PCDHA2: variants seen among roughly 807,000 people sequenced by gnomAD.
The protein encoded by PCDHA2 is protocadherin alpha 2.
PCDHA2 carries 58 observed loss-of-function variants against 66.0 expected under a neutral mutation model. The observed-to-expected ratio is 0.88, with a 90% CI of 0.71 to 1.09. The LOEUF (loss-of-function observed/expected upper bound fraction) is 1.09, where lower values mean the gene tolerates loss of function less well. PCDHA2 is among the 50% of genes least tolerant of loss of function. The pLI is 0.00. For synonymous variants in PCDHA2, 634 were observed against 554.0 expected, an observed-to-expected ratio of 1.14 and a Z score of -2.03; for missense variants, 1,267 against 1,242.3, an observed-to-expected ratio of 1.02 and a Z score of -0.30.
chr5:140,877,135 G>C, intron 1 of PCDHA2: 1 of 1,613,790 alleles, frequency 6.2e-7, no homozygotes, highest in Non-Finnish European at 8.5e-7. Flanking sequence ...GCAGGTGTTC[G>C]TGCTGGACGA....
chr5:140,961,278 C>T (rs1205288915), intron 1 of PCDHA2, among the ~76,000 whole-genome samples: 1 of 152,192 alleles, frequency 6.6e-6, no homozygotes, highest in Non-Finnish European at 1.5e-5. Context: ...TTTACCATGG[C>T]TCTGTTTCTT....
rs1486042569 is a variant in PCDHA2 at position 140,880,105 on chromosome 5, A to G, written c.2388+82753A>G. On this transcript the variant is annotated intron_variant, in intron 1 of 3. Coordinates refer to ENST00000526136, the MANE Select transcript of PCDHA2 (RefSeq NM_018905.3). ...ATTATAGTAGGCTTAAAATCATAGAAGGATAGACAACAGGAAGCTGAAATA... is the reference window on the plus strand; with the variant it reads ...ATTATAGTAGGCTTAAAATCATAGAGGGATAGACAACAGGAAGCTGAAATA... 1.8e-4 allele frequency among the ~76,000 whole-genome samples: 28 copies of G among 152,256 alleles called. 1 individual carries two copies. Among genetic ancestry groups the G allele is most frequent in the Admixed American group, 1.8e-3 (28 of 15,292 alleles).
chr5:140,854,990 G>A (rs2043295354), intron 1 of PCDHA2, among the ~76,000 whole-genome samples: 1 of 149,498 alleles, frequency 6.7e-6, no homozygotes, highest in African/African-American at 2.5e-5. Context: ...GATTCTTTTT[G>A]CCCGTGTAAG....
chr5:140,863,737 A>G (rs758176321), intron 1 of PCDHA2: 1 of 251,160 alleles, frequency 4.0e-6, no homozygotes, highest in East Asian at 1.0e-4. Flanking sequence ...GCTCATGCCT[A>G]TTTGTAATCC....
chr5:140,937,106 C>T (rs2091337574), intron 1 of PCDHA2, among the ~76,000 whole-genome samples: 1 of 149,206 alleles, frequency 6.7e-6, no homozygotes, highest in Admixed American at 6.7e-5. Context: ...GGCGCAGTCT[C>T]GGCTCACTGC....
intron 1 of PCDHA2, among the ~76,000 whole-genome samples, chr5:140,959,927 C>A (rs1554224406): frequency 6.6e-6 from 1 of 152,038 alleles, no homozygotes; most frequent in African/African-American, 2.4e-5. Flanking sequence ...TTGTAAAGCC[C>A]CATTACTTAG....
intron 1 of PCDHA2, among the ~76,000 whole-genome samples, chr5:140,913,413 G>A (rs976186231): frequency 3.3e-5 from 5 of 152,050 alleles, no homozygotes; most frequent in Non-Finnish European, 5.9e-5. Flanking sequence ...TTGAATTCCT[G>A]CAGTATCAGT....
chr5:140,814,543 A>G (rs1410934884), intron 1 of PCDHA2: 1 of 152,098 alleles, frequency 6.6e-6, no homozygotes, highest in Non-Finnish European at 1.5e-5. Flanking sequence ...AAGCAGTAAC[A>G]TTTACTATCT....
chr5:140,849,573 A>T, intron 1 of PCDHA2: 1 of 1,598,648 alleles, frequency 6.3e-7, no homozygotes. Flanking sequence ...GGTTCCTGTA[A>T]AAGAGGACGC....
Position 140,801,632 on chromosome 5 carries a change from C to T in PCDHA2, c.2388+4280C>T, listed in dbSNP as rs1554121599. 2.5e-6 allele frequency: 4 copies of T among 1,614,034 alleles called. No homozygotes were observed. The South Asian group carries it at 4.4e-5, about 18-fold the overall frequency. ...TAAAGAATCTGTTTATTTCCGAATC[C>T]CGACAGCCTGGCTCTCGGTTTTCGC... On this transcript the variant is annotated intron_variant, in intron 1 of 3. Coordinates refer to ENST00000526136, the MANE Select transcript of PCDHA2 (RefSeq NM_018905.3).
Position 140,929,287 on chromosome 5 carries a change from C to T in PCDHA2, c.2389-49662C>T, listed in dbSNP as rs782325052. On this transcript the variant is annotated intron_variant, in intron 1 of 3. Transcript: ENST00000526136. The stretch of plus-strand genomic sequence containing the variant: ...TTTGCCAATATCCTGTATTCAGATT[C>T]GGAATAGGAAAGGGGATCACGCTAA... 13 of 1,598,668 alleles carry T rather than the reference C, an allele frequency of 8.1e-6. No homozygotes were observed. In the East Asian group the frequency reaches 2.5e-4, roughly 30 times the overall value.
chr5:140,883,222 A>T lies in PCDHA2; in HGVS notation c.2388+85870A>T, dbSNP rs1164969110. ...TCGAAGAAAAGAAATTATATGAAATATCCGTGGAGGCAGTTGACAAAGGAA... is the reference window on the plus strand; with the variant it reads ...TCGAAGAAAAGAAATTATATGAAATTTCCGTGGAGGCAGTTGACAAAGGAA... On this transcript the variant is annotated intron_variant, in intron 1 of 3. Transcript: ENST00000526136. 8.7e-6 allele frequency: 14 copies of T among 1,613,970 alleles called. No homozygotes were observed. The African/African-American group carries it at 1.7e-4, about 20-fold the overall frequency.
intron 1 of PCDHA2, among the ~76,000 whole-genome samples, chr5:140,821,310 C>A (rs1240632273): frequency 6.6e-6 from 1 of 151,998 alleles, no homozygotes; most frequent in African/African-American, 2.4e-5. Flanking sequence ...TAAAATACAC[C>A]AGCACAAATT....
At chr5:140,823,690 A>G in intron 1 of PCDHA2, 2 of 1,613,904 alleles carry the variant, frequency 1.2e-6, no homozygotes, top group South Asian at 2.2e-5. Context: ...TCTGGATGAG[A>G]CCGAAGCACC....
rs539262034 is a variant in PCDHA2, at chr5:140,801,500, G to A, written c.2388+4148G>A. ...AGGAACTGTGCGGGCGGAGCGCGGA[G>A]TGCAGCATCCACCTGGAGGTGATCG... is the stretch of plus-strand genomic sequence containing the variant. On this transcript the variant is annotated intron_variant, in intron 1 of 3. Transcript: ENST00000526136. 6 of 1,614,066 alleles carry A rather than the reference G, an allele frequency of 3.7e-6. No individual in the cohort carries two copies. The Admixed American group carries it at 1.0e-4, about 27-fold the overall frequency.
At chr5:140,808,159 T>C in intron 1 of PCDHA2, 1 of 1,614,214 alleles carries the variant, frequency 6.2e-7, no homozygotes, top group East Asian at 2.2e-5. Flanking sequence ...AGGGCATTGA[T>C]AAGGGACAGC....
chr5:141,006,177 AAG>A (rs2098258661), intron 3 of PCDHA2, among the ~76,000 whole-genome samples: 2 of 151,826 alleles, frequency 1.3e-5, no homozygotes, highest in African/African-American at 4.8e-5. Context: ...ATATTTTTAA[AAG>A]AGTTTGCTAT....
At chr5:140,859,436 A>C (rs868952272) in intron 1 of PCDHA2, 6 of 225,632 alleles carry the variant, frequency 2.7e-5, no homozygotes, top group African/African-American at 1.2e-4. Flanking sequence ...AATGAAAGCT[A>C]ACTTAGTTGC....
intron 1 of PCDHA2, chr5:140,927,345 C>G (rs1391320223): frequency 1.2e-6 from 2 of 1,614,012 alleles, no homozygotes. Context: ...CCCAAGATGA[C>G]GACGAGGGAA....
Sources: gnomAD v4.1 joint callset for allele counts (sites outside exome capture counted in the v4.1 genomes callset) on GRCh38, gnomAD v4.1.1 for gene constraint, MANE v1.5 for transcripts, NCBI Gene and HGNC (gene_info 2026-07-23, HGNC 2026-07-21) for gene names.